GALM: variants seen among roughly 807,000 people sequenced by gnomAD.
The protein encoded by GALM is galactose mutarotase, also known as aldose 1-epimerase.
A neutral mutation model predicts 37.4 loss-of-function variants in GALM; 43 were observed. The observed-to-expected ratio is 1.15, with a 90% CI of 0.90 to 1.48. The LOEUF (loss-of-function observed/expected upper bound fraction) is 1.48, where lower values mean the gene tolerates loss of function less well. GALM is among the 40% of genes most tolerant of loss of function. The pLI, the probability that GALM is intolerant of heterozygous loss-of-function variation, is 0.00. For missense variants in GALM, 456 were observed against 419.1 expected (o/e 1.09, Z -0.77); for synonymous variants, 199 against 170.6 (o/e 1.17, Z -1.30).
intron 4 of GALM, among the ~76,000 whole-genome samples, chr2:38,695,958 C>T (rs550825083): frequency 4.6e-5 from 7 of 152,004 alleles, no homozygotes; most frequent in African/African-American, 1.4e-4. Context: ...CTTAGCCTCC[C>T]GAAGTGCTGG....
rs779778477 is a variant in GALM at position 38,675,981 on chromosome 2, C to G, written c.260C>G (p.Thr87Ser). 2 of 1,614,006 alleles carry G rather than the reference C, an allele frequency of 1.2e-6. No individual in the cohort carries two copies. The highest frequency in any genetic ancestry group is 3.3e-5 in the Admixed American group (2 of 60,000). The change falls in exon 2 of 7, where the codon ACC becomes AGC. Residue 87 changes from threonine (T) to serine (S), a missense_variant. Physicochemically the swap from Thr to Ser is moderately conservative, Grantham distance 58. Transcript: ENST00000272252. ...GRVANRIAKG[T>S]FKVDGKEYHL... ...GTGGCCAACCGAATCGCCAAAGGAA[C>G]CTTCAAGGTGGATGGGAAGGAGTAT...
chr2:38,727,121 C>T (rs926955473), intron 4 of GALM, among the ~76,000 whole-genome samples: 4 of 149,830 alleles, frequency 2.7e-5, no homozygotes, highest in Non-Finnish European at 4.4e-5. Flanking sequence ...GAGGCTGAGG[C>T]GGGAGAATCA....
intron 1 of GALM, among the ~76,000 whole-genome samples, chr2:38,667,675 G>T (rs890763245): frequency 2.1e-5 from 3 of 144,708 alleles, no homozygotes; most frequent in African/African-American, 7.5e-5. Context: ...TGGTAGAGAT[G>T]GGGTTTCACC....
intron 4 of GALM, among the ~76,000 whole-genome samples, chr2:38,703,739 G>A (rs1021092674): frequency 2.2e-4 from 34 of 152,136 alleles, no homozygotes; most frequent in South Asian, 6.2e-4. Flanking sequence ...AAGGCTGGGC[G>A]TGGTGGCTCA....
chr2:38,681,144 T>C, intron 2 of GALM, 136 bp from the exon 3 acceptor site: 2 of 723,504 alleles, frequency 2.8e-6, no homozygotes, highest in Non-Finnish European at 4.8e-6. Flanking sequence ...AAAAAAAAAA[T>C]CCAGGCTATC....
chr2:38,705,699 C>T (rs1666021454), intron 4 of GALM, among the ~76,000 whole-genome samples: 1 of 152,108 alleles, frequency 6.6e-6, no homozygotes, highest in Non-Finnish European at 1.5e-5. Flanking sequence ...GCATCCACTC[C>T]CAGGGTCGTG....
At chr2:38,719,485 A>C (rs1267574348) in intron 4 of GALM, among the ~76,000 whole-genome samples, 2 of 145,882 alleles carry the variant, frequency 1.4e-5, no homozygotes, top group Non-Finnish European at 3.0e-5. Context: ...AAAAAAAATT[A>C]GGATCCTGGC....
chr2:38,668,685 C>T (rs1005899001), intron 1 of GALM: 3 of 151,776 alleles, frequency 2.0e-5, no homozygotes, highest in Non-Finnish European at 4.4e-5. Context: ...ACCTGTAATC[C>T]TAGGAGTCCA....
intron 4 of GALM, among the ~76,000 whole-genome samples, chr2:38,711,812 T>A (rs376007487): frequency 2.4e-5 from 2 of 85,012 alleles, no homozygotes; most frequent in East Asian, 7.6e-4. Context: ...ATCACCATCA[T>A]CATCATCACT....
chr2:38,704,801 G>A (rs886538891), intron 4 of GALM, among the ~76,000 whole-genome samples: 1 of 152,042 alleles, frequency 6.6e-6, no homozygotes, highest in Non-Finnish European at 1.5e-5. Context: ...ATAGGTCCCT[G>A]CTAGATAGTA....
Position 38,722,082 on chromosome 2 carries a change from G to A in GALM, c.635-7474G>A, listed in dbSNP as rs959844664. Among the ~76,000 whole-genome samples, 9 of 120,764 alleles carry A rather than the reference G, an allele frequency of 7.5e-5. No individual in the cohort carries two copies. In the East Asian group the frequency reaches 1.5e-3, roughly 20 times the overall value. The allele number at this position is 120,764 out of a possible 152,430, so 79.2% of individuals were successfully genotyped here. A position where few individuals can be genotyped will look rare whatever the true frequency, so the allele number is the denominator to read the frequency against. On this transcript the variant is annotated intron_variant, in intron 4 of 6. Coordinates refer to ENST00000272252, the MANE Select transcript of GALM (RefSeq NM_138801.3). Reference sequence around the variant, plus strand: ...AGAACAGAAGCGCATCATGCGGGCCGGGTGAGGCGGCTCATGCCTGTAATC... The same window carrying A: ...AGAACAGAAGCGCATCATGCGGGCCAGGTGAGGCGGCTCATGCCTGTAATC...
intron 4 of GALM, among the ~76,000 whole-genome samples, chr2:38,710,052 A>T (rs1369619817): frequency 6.6e-6 from 1 of 152,152 alleles, no homozygotes; most frequent in East Asian, 1.9e-4. Flanking sequence ...TGTCCCTCCC[A>T]ACTTTTGCTT....
chr2:38,697,032 C>T (rs556263466), intron 4 of GALM, among the ~76,000 whole-genome samples: 35 of 152,098 alleles, frequency 2.3e-4, no homozygotes, highest in African/African-American at 8.4e-4. Flanking sequence ...TCAAGTGATC[C>T]ACCTGCTGTG....
At chr2:38,676,102 C>T (rs372349309) in intron 2 of GALM, 36 bp downstream of exon 2, 18 of 1,607,124 alleles carry the variant, frequency 1.1e-5, no homozygotes, top group Non-Finnish European at 1.4e-5. Flanking sequence ...TCCCTTTAGG[C>T]TCACTTTACG....
chr2:38,722,030 T>TCCCTCCCCCCC (rs1666386302), intron 4 of GALM, among the ~76,000 whole-genome samples: 1 of 41,386 alleles, frequency 2.4e-5, no homozygotes, highest in Non-Finnish European at 4.1e-5. Flanking sequence ...TGCCTTCCCT[T>TCCCTCCCCCCC]CCCCCCCCCA....
At chr2:38,698,013 G>C (rs11896593) in intron 4 of GALM, among the ~76,000 whole-genome samples, 48,176 of 151,276 alleles carry the variant, frequency 0.32, 9,766 homozygotes, top group African/African-American at 0.57. Context: ...GTGCAGTCTC[G>C]GCCCACTGCA....
chr2:38,667,134 G>C (rs1322894105), intron 1 of GALM, among the ~76,000 whole-genome samples: 3 of 152,146 alleles, frequency 2.0e-5, no homozygotes, highest in Non-Finnish European at 4.4e-5. Flanking sequence ...TTGCAGCAAA[G>C]GAAAATGTAC....
At chr2:38,682,604 C>G (rs1271014707) in intron 3 of GALM, among the ~76,000 whole-genome samples, 3 of 152,154 alleles carry the variant, frequency 2.0e-5, no homozygotes, top group African/African-American at 7.2e-5. Flanking sequence ...TTCTTGAAAT[C>G]TTAAAAACAA....
At chr2:38,668,010 ACTCTATTAG>A (rs1665000414) in intron 1 of GALM, among the ~76,000 whole-genome samples, 1 of 151,724 alleles carries the variant, frequency 6.6e-6, no homozygotes, top group African/African-American at 2.4e-5. Flanking sequence ...TTCCCCACTC[ACTCTATTAG>A]CAACAGATCT....
Sources: gnomAD v4.1 joint callset for allele counts (sites outside exome capture counted in the v4.1 genomes callset) on GRCh38, gnomAD v4.1.1 for gene constraint, MANE v1.5 for transcripts, NCBI Gene and HGNC (gene_info 2026-07-23, HGNC 2026-07-21) for gene names.